The following CACNA1D variants were observed in gnomAD, a reference collection of about 807,000 sequenced individuals.
The protein encoded by CACNA1D is calcium voltage-gated channel subunit alpha1 D.
CACNA1D carries 55 observed loss-of-function variants against 257.1 expected under a neutral mutation model. That is an observed-to-expected ratio of 0.21 (90% CI 0.17 to 0.27). The LOEUF is 0.27. Ranked by LOEUF, CACNA1D falls within the 10% of genes least tolerant of loss-of-function variation. The probability of loss-of-function intolerance (pLI) is 1.00; values close to 1 mark genes in which losing one functional copy is unlikely to be tolerated. For synonymous variants in CACNA1D, 980 were observed against 1,014.9 expected (o/e 0.97, Z 0.65); for missense variants, 1,876 against 2,784.0 (o/e 0.67, Z 7.34).
At position 53,551,276 on chromosome 3, in the gene CACNA1D, TC is replaced by T. The variant is rs377037200; in HGVS notation, c.483+49559del. Among the ~76,000 whole-genome samples, 788 of 152,346 alleles carry T rather than the reference TC, an allele frequency of 5.2e-3. 7 individuals are homozygous for T. The highest frequency in any genetic ancestry group is 0.018 in the African/African-American group (748 of 41,592). On this transcript the variant is annotated intron_variant, in intron 3 of 47. Coordinates refer to ENST00000350061, the MANE Select transcript of CACNA1D (RefSeq NM_001128840.3). ...CCCTGGCCACGGTCACACATGACTT[TC>T]CCAAGGGCTGATTGGTTATGGGGTT...
rs566841519 is a variant in CACNA1D at position 53,588,311 on chromosome 3, G to A, written c.484-62468G>A. Among the ~76,000 whole-genome samples, 22 of 152,310 alleles carry A rather than the reference G, an allele frequency of 1.4e-4. No homozygotes were observed. In the East Asian group the frequency reaches 3.5e-3, roughly 24 times the overall value. On this transcript the variant is annotated intron_variant, in intron 3 of 47. Coordinates refer to ENST00000350061, the MANE Select transcript of CACNA1D (RefSeq NM_001128840.3). The stretch of plus-strand genomic sequence containing the variant: ...TGACTCACTCACCAGTGTTTGCTGA[G>A]TGTGTCTCATGCCTTCTTTCTTGCT...
chr3:53,770,360 T>C (rs2095359682), intron 31 of CACNA1D, 64 bp from the exon 32 acceptor site: 1 of 1,528,996 alleles, frequency 6.5e-7, no homozygotes, highest in Non-Finnish European at 9.1e-7. Context: ...CTGTTGCTGT[T>C]TTTCTGAAAG....
intron 35 of CACNA1D, 94 bp downstream of exon 35, chr3:53,776,139 A>G: frequency 8.6e-7 from 1 of 1,163,088 alleles, no homozygotes; most frequent in Non-Finnish European, 1.3e-6. Flanking sequence ...CCATCGCCTG[A>G]GGACAATTGA....
chr3:53,694,233 C>A (rs977663545), intron 8 of CACNA1D, among the ~76,000 whole-genome samples: 3 of 152,196 alleles, frequency 2.0e-5, no homozygotes, highest in African/African-American at 7.2e-5. Flanking sequence ...GGGGGCTCCA[C>A]TGGGGCTCCT....
intron 3 of CACNA1D, among the ~76,000 whole-genome samples, chr3:53,535,019 G>A (rs1450460426): frequency 6.6e-6 from 1 of 152,056 alleles, no homozygotes; most frequent in East Asian, 1.9e-4. Flanking sequence ...CAATAGGCCG[G>A]CACCTTTTCC....
chr3:53,749,613 C>T lies in CACNA1D; in HGVS notation c.3516+144C>T. ...TAGGGCCCTGTTCTAAGCACACCCT[C>T]AGCCCATTTGAGTCATCACTGCTGA... On this transcript the variant is annotated intron_variant, in intron 27 of 47. Transcript: ENST00000350061. 7.3e-6 allele frequency: 5 copies of T among 688,888 alleles called. No homozygotes were observed. The South Asian group carries it at 7.9e-5, about 11-fold the overall frequency. The allele number at this position is 688,888 out of a possible 1,614,324, so 42.7% of individuals were successfully genotyped here.
At chr3:53,530,125 G>A (rs1008699825) in intron 3 of CACNA1D, among the ~76,000 whole-genome samples, 1 of 152,212 alleles carries the variant, frequency 6.6e-6, no homozygotes, top group Non-Finnish European at 1.5e-5. Context: ...TATAAATTCA[G>A]TGTAACTCAG....
intron 26 of CACNA1D, among the ~76,000 whole-genome samples, chr3:53,748,344 A>G (rs2095191514): frequency 1.3e-5 from 2 of 152,114 alleles, no homozygotes; most frequent in Admixed American, 1.3e-4. Flanking sequence ...AGGCCAGCAG[A>G]GTTCTTGGGG....
At chr3:53,801,660 C>T (rs1465655152) in intron 42 of CACNA1D, among the ~76,000 whole-genome samples, 2 of 152,126 alleles carry the variant, frequency 1.3e-5, no homozygotes, top group African/African-American at 2.4e-5. Context: ...TGTGGGGTGC[C>T]GAGGGACCTT....
chr3:53,609,738 T>C (rs1213588650), intron 3 of CACNA1D, among the ~76,000 whole-genome samples: 2 of 152,210 alleles, frequency 1.3e-5, no homozygotes, highest in African/African-American at 4.8e-5. Context: ...GATTTTTCTC[T>C]ATTGTTTGCC....
intron 40 of CACNA1D, among the ~76,000 whole-genome samples, chr3:53,787,233 C>T (rs768793122): frequency 3.3e-5 from 5 of 152,174 alleles, no homozygotes; most frequent in African/African-American, 7.2e-5. Context: ...ACCCCAGCCC[C>T]TCCAGGCAGC....
Position 53,811,338 on chromosome 3 carries a change from G to A in CACNA1D, c.6418G>A (p.Glu2140Lys). 5 of 1,605,272 alleles carry A rather than the reference G, an allele frequency of 3.1e-6. No individual in the cohort carries two copies. The highest frequency in any genetic ancestry group is 1.3e-5 in the African/African-American group (1 of 74,812). ...GGACTTTGGTCCTGGCTACAGCGAC[G>A]AAGAGCCAGACCCTGGGAGGGATGA... ...LQDFGPGYSDEEPDPGRDEED... is the reference protein window; with the variant it reads ...LQDFGPGYSDKEPDPGRDEED... Residue 2140 changes from glutamate (E) to lysine (K), a missense_variant, in exon 48 of 48, where the codon GAA becomes AAA. Glu to Lys is a moderately conservative substitution (Grantham distance 56, BLOSUM62 1). This residue lies in a region of CACNA1D where 491 missense variants were observed against 554.3 expected (regional missense o/e 0.89). Transcript: ENST00000350061. The surrounding 1 kb of genome is among the most constrained non-coding windows in gnomAD (Gnocchi z 4.2).
At chr3:53,745,398 G>A (rs941960672) in intron 23 of CACNA1D, among the ~76,000 whole-genome samples, 2 of 151,878 alleles carry the variant, frequency 1.3e-5, no homozygotes, top group Non-Finnish European at 2.9e-5. Context: ...ACACCACCAC[G>A]CCCAGCTAAT....
intron 3 of CACNA1D, among the ~76,000 whole-genome samples, chr3:53,525,451 C>T (rs1383713837): frequency 6.6e-6 from 1 of 152,140 alleles, no homozygotes; most frequent in African/African-American, 2.4e-5. Flanking sequence ...AGCTATTTTA[C>T]TAAGGAGGAG....
At chr3:53,552,748 A>G (rs1270792104) in intron 3 of CACNA1D, among the ~76,000 whole-genome samples, 2 of 152,018 alleles carry the variant, frequency 1.3e-5, no homozygotes, top group African/African-American at 2.4e-5. Flanking sequence ...TTTGCTTGGC[A>G]TTGTAGTAGA....
At chr3:53,525,136 G>C (rs958684499) in intron 3 of CACNA1D, among the ~76,000 whole-genome samples, 2 of 152,170 alleles carry the variant, frequency 1.3e-5, no homozygotes, top group African/African-American at 2.4e-5. Context: ...GGAGAGATTG[G>C]TGTATGTCTT....
chr3:53,775,180 T>A (rs1257988967), intron 34 of CACNA1D, among the ~76,000 whole-genome samples: 1 of 152,248 alleles, frequency 6.6e-6, no homozygotes, highest in South Asian at 2.1e-4. Context: ...GTATTTCTAA[T>A]GACTCTAGTG....
chr3:53,701,753 T>A (rs2094627812), intron 8 of CACNA1D, among the ~76,000 whole-genome samples: 1 of 152,234 alleles, frequency 6.6e-6, no homozygotes, highest in Non-Finnish European at 1.5e-5. Flanking sequence ...TCCACCTGAC[T>A]CTCAGGCTTG....
intron 3 of CACNA1D, among the ~76,000 whole-genome samples, chr3:53,528,981 A>C (rs1314147304): frequency 1.3e-5 from 2 of 152,128 alleles, no homozygotes; most frequent in Non-Finnish European, 2.9e-5. Context: ...TCTAATACTT[A>C]TTTATGTATA....
Sources: allele counts gnomAD v4.1 joint callset (sites outside exome capture counted in the v4.1 genomes callset), GRCh38; gene constraint gnomAD v4.1.1; regional missense constraint gnomAD v4.1.1; non-coding constraint Gnocchi (gnomAD v3.1); transcripts MANE v1.5; gene names NCBI Gene and HGNC (gene_info 2026-07-23, HGNC 2026-07-21).